Variants in APOLD1 observed in about 807,000 individuals in gnomAD.
APOLD1 encodes the protein apolipoprotein L domain-containing protein 1.
A neutral mutation model predicts 15.3 loss-of-function variants in APOLD1; 22 were observed. That is an observed-to-expected ratio of 1.44 (90% confidence interval 1.03 to 2.05). The LOEUF is 2.05. APOLD1 is among the 30% of genes most tolerant of loss of function. APOLD1 has a pLI of 0.00. For missense variants in APOLD1, 394 were observed against 353.5 expected (o/e 1.11, Z -0.92); for synonymous variants, 190 against 167.4 (o/e 1.13, Z -1.04).
At chr12:12,761,834 G>GT (rs1946902423) in intron 1 of APOLD1, among the ~76,000 whole-genome samples, 14 of 122,906 alleles carry the variant, frequency 1.1e-4, no homozygotes, top group African/African-American at 6.5e-4. Context: ...TATGTATAGA[G>GT]AGAGAGAGAG....
At position 12,735,008 on chromosome 12, in the gene APOLD1, G is replaced by C. The variant is rs139829764; in HGVS notation, c.96+8912G>C. Among the ~76,000 whole-genome samples the C allele has an allele frequency of 4.1e-3, 630 of 152,222 alleles. 6 individuals carry two copies. Among genetic ancestry groups the C allele is most frequent in the African/African-American group, 0.014 (589 of 41,524 alleles). ...CTGTAGCAGTTTGGATCCCAGACAA[G>C]GTGACTAACTGAGGAAGCAAGCAGG... On this transcript the variant is annotated intron_variant, in intron 1 of 1. Coordinates refer to the APOLD1 transcript ENST00000326765.
chr12:12,728,703 A>AAAAG (rs761251614), intron 1 of APOLD1, among the ~76,000 whole-genome samples: 11 of 151,394 alleles, frequency 7.3e-5, no homozygotes, highest in Non-Finnish European at 1.5e-4. Context: ...AGAGAGAAAG[A>AAAAG]AAAGAAAGAA....
chr12:12,770,132 G>A (rs1010401757), intron 1 of APOLD1, among the ~76,000 whole-genome samples: 1 of 152,160 alleles, frequency 6.6e-6, no homozygotes, highest in Non-Finnish European at 1.5e-5. Context: ...TAGAGAGGCC[G>A]GGGGCGGTGG....
intron 1 of APOLD1, among the ~76,000 whole-genome samples, chr12:12,731,148 C>A (rs1186945065): frequency 6.8e-6 from 1 of 147,428 alleles, no homozygotes; most frequent in African/African-American, 2.7e-5. Context: ...CTCAAAAAAA[C>A]AAACAAACAA....
At chr12:12,757,053 C>G (rs951956998) in intron 1 of APOLD1, among the ~76,000 whole-genome samples, 2 of 152,192 alleles carry the variant, frequency 1.3e-5, no homozygotes, top group Non-Finnish European at 2.9e-5. Context: ...TCCCAAAGTG[C>G]TAGGATTACA....
In APOLD1 at chr12:12,732,467, G is replaced by A. The variant is rs538166929; in HGVS notation, c.96+6371G>A. On this transcript the variant is annotated intron_variant, in intron 1 of 1. Coordinates refer to the APOLD1 transcript ENST00000326765. Reference sequence around the variant, plus strand: ...AATGTGTTATGGAAACTTTACACCTGTAATCCCAGGACTTTGGGAGGCTGA... The same window carrying A: ...AATGTGTTATGGAAACTTTACACCTATAATCCCAGGACTTTGGGAGGCTGA... Among the ~76,000 whole-genome samples, 92 of 152,180 alleles carry A rather than the reference G, an allele frequency of 6.0e-4. 1 individual carries two copies. The highest frequency in any genetic ancestry group is 1.0e-3 in the Non-Finnish European group (71 of 68,032).
chr12:12,763,712 A>G (rs1443172000), intron 1 of APOLD1, among the ~76,000 whole-genome samples: 2 of 152,136 alleles, frequency 1.3e-5, no homozygotes, highest in Non-Finnish European at 2.9e-5. Flanking sequence ...GCATTTCTGT[A>G]TCTACAGGGG....
rs115430335 is a variant in APOLD1 at position 12,765,272 on chromosome 12, C to T, written c.97-21637C>T. Reference sequence around the variant, plus strand: ...CTTGCTATGTTGCCCAGGCTGGACTCGAACTCCTGGGGTCAAGTGATCCTC... The same window carrying T: ...CTTGCTATGTTGCCCAGGCTGGACTTGAACTCCTGGGGTCAAGTGATCCTC... On this transcript the variant is annotated intron_variant, in intron 1 of 1. Transcript: ENST00000326765. 7.7e-3 allele frequency among the ~76,000 whole-genome samples: 1,173 copies of T among 152,134 alleles called. 13 individuals carry two copies. The highest frequency in any genetic ancestry group is 0.026 in the African/African-American group (1,099 of 41,498).
intron 1 of APOLD1, among the ~76,000 whole-genome samples, chr12:12,736,949 T>C (rs1044115512): frequency 6.6e-6 from 1 of 152,196 alleles, no homozygotes; most frequent in Admixed American, 6.5e-5. Flanking sequence ...GGAGCTCCCT[T>C]TTCTTTGTCA....
intron 1 of APOLD1, among the ~76,000 whole-genome samples, chr12:12,760,604 A>C (rs1003967947): frequency 2.7e-5 from 4 of 150,020 alleles, no homozygotes; most frequent in East Asian, 2.0e-4. Context: ...GTGCCATTGC[A>C]CTCCAGCCTG....
At chr12:12,758,867 A>G (rs1946878080) in intron 1 of APOLD1, among the ~76,000 whole-genome samples, 1 of 152,186 alleles carries the variant, frequency 6.6e-6, no homozygotes, top group African/African-American at 2.4e-5. Flanking sequence ...TTTAAAGGGA[A>G]CACTTTACAG....
At chr12:12,783,768 G>C (rs1238668238), upstream of APOLD1, among the ~76,000 whole-genome samples, 1 of 151,368 alleles carries the variant, frequency 6.6e-6, no homozygotes, top group Admixed American at 6.6e-5. Context: ...TGAATAGCTA[G>C]GACTACAGGT....
At chr12:12,786,438 TAGAG>T (rs959349010) in intron 1 of APOLD1, among the ~76,000 whole-genome samples, 15 of 152,040 alleles carry the variant, frequency 9.9e-5, no homozygotes, top group Non-Finnish European at 1.8e-4. Context: ...TTTCATTCAT[TAGAG>T]AGAGAGAAAA....
At chr12:12,757,980 GC>G (rs1946868668) in intron 1 of APOLD1, among the ~76,000 whole-genome samples, 2 of 135,492 alleles carry the variant, frequency 1.5e-5, no homozygotes, top group African/African-American at 5.6e-5. Flanking sequence ...TTGCTCTGTC[GC>G]CAGGTGCGAT....
At chr12:12,730,033 T>G (rs1380818053) in intron 1 of APOLD1, among the ~76,000 whole-genome samples, 1 of 18,556 alleles carries the variant, frequency 5.4e-5, no homozygotes, top group Non-Finnish European at 1.4e-4. Flanking sequence ...ACTTTGTGTG[T>G]GTGTGTGTGT....
chr12:12,779,984 A>C (rs1947066467), intron 1 of APOLD1, among the ~76,000 whole-genome samples: 1 of 152,174 alleles, frequency 6.6e-6, no homozygotes, highest in South Asian at 2.1e-4. Context: ...TCCATGCAAT[A>C]TAGATATCCT....
At chr12:12,763,510 T>A (rs1173453419) in intron 1 of APOLD1, among the ~76,000 whole-genome samples, 1 of 48,958 alleles carries the variant, frequency 2.0e-5, no homozygotes. Context: ...GAAAATATTG[T>A]GTGTGGGGGG....
upstream of APOLD1, chr12:12,785,504 G>A: frequency 3.5e-6 from 3 of 856,472 alleles, no homozygotes; most frequent in Non-Finnish European, 5.5e-6. Context: ...GATGTGCTGT[G>A]CTGGCAGGTC....
intron 1 of APOLD1, among the ~76,000 whole-genome samples, chr12:12,732,687 T>C (rs1314639304): frequency 7.0e-6 from 1 of 142,660 alleles, no homozygotes; most frequent in African/African-American, 2.6e-5. Context: ...ATTACACTAC[T>C]GCACTCCACT....
Sources: gnomAD v4.1 joint callset for allele counts (sites outside exome capture counted in the v4.1 genomes callset) on GRCh38, gnomAD v4.1.1 for gene constraint, MANE v1.5 for transcripts, NCBI Gene and HGNC (gene_info 2026-07-23, HGNC 2026-07-21) for gene names.